MITF: variants seen among roughly 807,000 people sequenced by gnomAD.
MITF encodes microphthalmia-associated transcription factor.
In MITF, 17 loss-of-function variants were observed where a neutral mutation model predicts 60.5. The ratio of observed to expected loss-of-function variants is 0.28; its 90% CI spans 0.19 to 0.42. The LOEUF (loss-of-function observed/expected upper bound fraction) is 0.42. Among genes scored for constraint, MITF ranks in the 10% least tolerant of loss-of-function variants. The probability of loss-of-function intolerance (pLI) is 1.00; values close to 1 mark genes in which losing one functional copy is unlikely to be tolerated. For missense variants in MITF, 622 were observed against 683.5 expected, an observed-to-expected ratio of 0.91 and a Z score of 1.00; for synonymous variants, 260 against 248.5, an observed-to-expected ratio of 1.05 and a Z score of -0.43.
intron 1 of MITF, among the ~76,000 whole-genome samples, chr3:69,745,827 T>G (rs1004831904): frequency 2.0e-5 from 3 of 152,188 alleles, no homozygotes; most frequent in Non-Finnish European, 4.4e-5. Flanking sequence ...AGCTGTAAAA[T>G]GAGATCAATA....
At chr3:69,850,420 A>C (rs1279781546) in intron 1 of MITF, among the ~76,000 whole-genome samples, 1 of 152,222 alleles carries the variant, frequency 6.6e-6, no homozygotes, top group Non-Finnish European at 1.5e-5. Flanking sequence ...GTTGTTATTG[A>C]AGATTAAAAT....
intron 2 of MITF, among the ~76,000 whole-genome samples, chr3:69,898,251 G>A (rs2107341488): frequency 6.6e-6 from 1 of 152,356 alleles, no homozygotes; most frequent in South Asian, 2.1e-4. Flanking sequence ...AAGGGATGTG[G>A]GATGAGTATT....
At position 69,872,969 on chromosome 3, in the gene MITF, G is replaced by A. The variant is rs567626427; in HGVS notation, c.105-6165G>A. 9.8e-5 allele frequency among the ~76,000 whole-genome samples: 15 copies of A among 152,290 alleles called. No individual in the cohort carries two copies. The East Asian group carries it at 1.5e-3, about 16-fold the overall frequency. ...CACCTAGCTTTTGGAAAGCATTTGC[G>A]TGGGGCATGAGGCTATGTTTTGTAA... is the stretch of plus-strand genomic sequence containing the variant. On this transcript the variant is annotated intron_variant, in intron 1 of 9. Coordinates refer to ENST00000352241, the MANE Select transcript of MITF (RefSeq NM_001354604.2).
intron 1 of MITF, among the ~76,000 whole-genome samples, chr3:69,832,829 T>C (rs189147277): frequency 6.6e-6 from 1 of 152,380 alleles, no homozygotes; most frequent in East Asian, 1.9e-4. Flanking sequence ...TGTAATTGTT[T>C]CCTTATGTGC....
chr3:69,893,145 C>T (rs987052760), intron 2 of MITF, among the ~76,000 whole-genome samples: 3 of 152,160 alleles, frequency 2.0e-5, no homozygotes, highest in Non-Finnish European at 4.4e-5. Context: ...TTCTCACCTT[C>T]TTACCTCCCT....
chr3:69,787,003 T>A (rs569114855), intron 1 of MITF, among the ~76,000 whole-genome samples: 1 of 152,322 alleles, frequency 6.6e-6, no homozygotes, highest in East Asian at 1.9e-4. Flanking sequence ...AGAGTGTTGC[T>A]GGTTCCACTT....
chr3:69,893,486 A>G lies in MITF; in HGVS notation c.354+14103A>G, dbSNP rs77126765. On this transcript the variant is annotated intron_variant, in intron 2 of 9. Coordinates refer to ENST00000352241, the MANE Select transcript of MITF (RefSeq NM_001354604.2). ...AGCTCATAAGCTTGCTCTGAGGAGT[A>G]AGTGACATGATGCTTGCAAAGCACT... Among the ~76,000 whole-genome samples, 808 of 152,256 alleles carry G rather than the reference A, an allele frequency of 5.3e-3. 30 individuals are homozygous for G. In the South Asian group the frequency reaches 0.083, roughly 16 times the overall value.
intron 9 of MITF, among the ~76,000 whole-genome samples, chr3:69,959,684 A>C (rs948918118): frequency 6.6e-6 from 1 of 152,116 alleles, no homozygotes; most frequent in Non-Finnish European, 1.5e-5. Context: ...AGGTCGAATG[A>C]CCCTGCCTGA....
At chr3:69,837,884 T>C (rs114740510) in intron 1 of MITF, among the ~76,000 whole-genome samples, 112 of 152,316 alleles carry the variant, frequency 7.4e-4, no homozygotes, top group African/African-American at 2.6e-3. Flanking sequence ...ACTCTGATGT[T>C]CAAGACTCAT....
At chr3:69,930,644 CTTT>C (rs1375525617) in intron 2 of MITF, among the ~76,000 whole-genome samples, 1 of 152,194 alleles carries the variant, frequency 6.6e-6, no homozygotes, top group Non-Finnish European at 1.5e-5. Flanking sequence ...GAACATATAA[CTTT>C]TGATGAAGGC....
chr3:69,852,143 C>A (rs1559674473), intron 1 of MITF, among the ~76,000 whole-genome samples: 1 of 152,048 alleles, frequency 6.6e-6, no homozygotes, highest in Non-Finnish European at 1.5e-5. Context: ...GAAGGTTTGT[C>A]AAGGAATAGT....
intron 1 of MITF, among the ~76,000 whole-genome samples, chr3:69,841,313 G>A (rs1247433894): frequency 6.6e-6 from 1 of 152,192 alleles, no homozygotes; most frequent in African/African-American, 2.4e-5. Context: ...TAATGTGTAT[G>A]TTTACTGCTT....
At chr3:69,874,550 A>G (rs1390605924) in intron 1 of MITF, among the ~76,000 whole-genome samples, 1 of 152,244 alleles carries the variant, frequency 6.6e-6, no homozygotes, top group Non-Finnish European at 1.5e-5. Context: ...CGAAGCACAG[A>G]GATAGACTAA....
intron 1 of MITF, among the ~76,000 whole-genome samples, chr3:69,837,313 G>T (rs946914967): frequency 6.6e-6 from 1 of 152,214 alleles, no homozygotes; most frequent in African/African-American, 2.4e-5. Flanking sequence ...ACTTGACACT[G>T]CCTTTGAGCT....
intron 2 of MITF, among the ~76,000 whole-genome samples, chr3:69,885,996 G>A (rs866812899): frequency 6.6e-6 from 1 of 152,060 alleles, no homozygotes. Context: ...ACAGATGCAG[G>A]AACTGTCACA....
chr3:69,807,078 CTCT>C (rs2063021860), intron 1 of MITF, among the ~76,000 whole-genome samples: 1 of 152,296 alleles, frequency 6.6e-6, no homozygotes, highest in African/African-American at 2.4e-5. Flanking sequence ...ACTGGTTTGC[CTCT>C]TCTTGGCTGG....
chr3:69,859,200 C>T (rs901241442), intron 1 of MITF, among the ~76,000 whole-genome samples: 1 of 152,066 alleles, frequency 6.6e-6, no homozygotes, highest in African/African-American at 2.4e-5. Flanking sequence ...TATTAAATAG[C>T]AGACCTCTCA....
At chr3:69,914,056 A>T (rs1220106983) in intron 2 of MITF, among the ~76,000 whole-genome samples, 1 of 152,006 alleles carries the variant, frequency 6.6e-6, no homozygotes, top group Non-Finnish European at 1.5e-5. Context: ...TCTTTGCTAG[A>T]CAGGCAAACA....
chr3:69,952,838 CT>C (rs1456693970), intron 7 of MITF, among the ~76,000 whole-genome samples: 1 of 151,980 alleles, frequency 6.6e-6, no homozygotes, highest in African/African-American at 2.4e-5. Flanking sequence ...TTTTGAAGAC[CT>C]TTTGCTGTTA....
Sources: allele counts gnomAD v4.1 joint callset (sites outside exome capture counted in the v4.1 genomes callset), GRCh38; gene constraint gnomAD v4.1.1; transcripts MANE v1.5; gene names NCBI Gene and HGNC (gene_info 2026-07-23, HGNC 2026-07-21).